Variants in RCC1L observed in about 807,000 individuals in gnomAD.
The protein encoded by RCC1L is RCC1-like G exchanging factor-like protein.
In RCC1L, 46 loss-of-function variants were observed where a neutral mutation model predicts 58.6. The observed-to-expected ratio is 0.79, with a 90% CI of 0.62 to 1.00. RCC1L has a LOEUF of 1.00. Ranked by LOEUF, RCC1L falls within the 50% of genes least tolerant of loss-of-function variation. RCC1L has a pLI of 0.00. For synonymous variants in RCC1L, 281 were observed against 262.9 expected, an observed-to-expected ratio of 1.07 and a Z score of -0.67; for missense variants, 636 against 623.6, an observed-to-expected ratio of 1.02 and a Z score of -0.21.
chr7:75,051,299 T>C (rs989224772), intron 10 of RCC1L, among the ~76,000 whole-genome samples: 69 of 148,374 alleles, frequency 4.7e-4, no homozygotes, highest in Non-Finnish European at 5.9e-4. Flanking sequence ...TATAAATACA[T>C]ACATATATAT....
Position 75,073,570 on chromosome 7 carries a change from G to C in RCC1L, c.168C>G (p.Ala56=). 6.6e-7 allele frequency: 1 copy of C among 1,510,702 alleles called. No individual in the cohort carries two copies. Among genetic ancestry groups the C allele is most frequent in the Non-Finnish European group, 8.8e-7 (1 of 1,138,386 alleles). 93.6% of individuals were successfully genotyped at this position (1,510,702 alleles called of 1,614,324 possible). A position where few individuals can be genotyped will look rare whatever the true frequency, so the allele number is the denominator to read the frequency against. Residue 56 remains alanine (A), a synonymous_variant, in exon 1 of 11, where the codon GCC becomes GCG. Transcript: ENST00000610322. Reference sequence around the variant, plus strand: ...CCCACACGAAGACGCGATCGGCGCGGGCAGCGCGCTCGCCCACGTACTGGA... The same window carrying C: ...CCCACACGAAGACGCGATCGGCGCGCGCAGCGCGCTCGCCCACGTACTGGA... The part of the protein sequence containing the change: ...PVVQYVGERA[A]RADRVFVWGF...
Position 75,070,728 on chromosome 7 carries a change from G to T in RCC1L, c.366C>A (p.Ser122=). 6.2e-7 allele frequency: 1 copy of T among 1,614,142 alleles called. No individual in the cohort carries two copies. The highest frequency in any genetic ancestry group is 8.5e-7 in the Non-Finnish European group (1 of 1,180,024). ...AACGYGFTLL[S]SKTADVTKVW... ...CTTTCGTAACATCCGCAGTCTTAGA[G>T]GACAGCAGTGTGAATCCATAGCCGC... Residue 122 remains serine, a synonymous_variant, in exon 2 of 11, where the codon TCC becomes TCA. Transcript: ENST00000610322.
At chr7:75,056,265 C>T (rs1340211672) in intron 8 of RCC1L, among the ~76,000 whole-genome samples, 191 bp from the exon 9 acceptor site, 2 of 152,016 alleles carry the variant, frequency 1.3e-5, no homozygotes, top group Non-Finnish European at 2.9e-5. Flanking sequence ...TTCTCTCTCC[C>T]CTGCTTAAAT....
intron 10 of RCC1L, among the ~76,000 whole-genome samples, chr7:75,044,159 A>G (rs968712749): frequency 6.6e-6 from 1 of 152,190 alleles, no homozygotes; most frequent in Non-Finnish European, 1.5e-5. Flanking sequence ...CACCCTCAAC[A>G]ACTCCAGGTG....
intron 1 of RCC1L, among the ~76,000 whole-genome samples, chr7:75,071,689 G>A (rs782179955): frequency 1.1e-4 from 17 of 151,902 alleles, no homozygotes; most frequent in African/African-American, 2.7e-4. Context: ...ATCTCTTAGC[G>A]CGGTAGGTAA....
chr7:75,053,955 C>T (rs945633979), intron 9 of RCC1L, among the ~76,000 whole-genome samples: 4 of 152,152 alleles, frequency 2.6e-5, no homozygotes, highest in Non-Finnish European at 4.4e-5. Context: ...CAGGCTGCGA[C>T]GCAGTGGCAC....
chr7:75,061,346 T>C lies in RCC1L; in HGVS notation c.703-55A>G, dbSNP rs1196817463. On this transcript the variant is annotated intron_variant, in intron 5 of 10. Coordinates refer to ENST00000610322, the MANE Select transcript of RCC1L (RefSeq NM_030798.5). ...AGAGGAAATACTTAGAACCCTGGTG[T>C]CCTCATCCAAAGAAGGACCAGCACC... is the stretch of plus-strand genomic sequence containing the variant. 4.0e-6 allele frequency: 6 copies of C among 1,517,464 alleles called. No individual in the cohort carries two copies. The African/African-American group carries it at 5.5e-5, about 14-fold the overall frequency. The allele number at this position is 1,517,464 out of a possible 1,614,324, so 94.0% of individuals were successfully genotyped here.
At chr7:75,073,392 A>G (rs75800152) in intron 1 of RCC1L, 22 bp downstream of exon 1, 915,598 of 1,052,122 alleles carry the variant, frequency 0.87, 398,837 homozygotes, top group East Asian at 0.92. Context: ...GAAGGAGAGA[A>G]GGAGGAAGCC....
At chr7:75,029,322 G>A (rs1390336312) in intron 10 of RCC1L, among the ~76,000 whole-genome samples, 3 of 151,896 alleles carry the variant, frequency 2.0e-5, no homozygotes, top group Non-Finnish European at 4.4e-5. Flanking sequence ...AAGAGAGGGG[G>A]CTTTAGGGCA....
chr7:75,047,760 G>T (rs959291866), intron 10 of RCC1L, among the ~76,000 whole-genome samples: 1 of 151,116 alleles, frequency 6.6e-6, no homozygotes, highest in African/African-American at 2.4e-5. Flanking sequence ...TGATTCTCCT[G>T]CTCAGACTTC....
At chr7:75,067,113 C>T (rs779348011) in intron 2 of RCC1L, among the ~76,000 whole-genome samples, 1 of 151,696 alleles carries the variant, frequency 6.6e-6, no homozygotes, top group Admixed American at 6.6e-5. Flanking sequence ...ACTAGCCTGG[C>T]CAAAATGGTG....
rs1299738294 is a variant in RCC1L at position 75,055,885 on chromosome 7, G to A, written c.1231+16C>T. On this transcript the variant is annotated intron_variant, in intron 9 of 10. Coordinates refer to ENST00000610322, the MANE Select transcript of RCC1L (RefSeq NM_030798.5). ...CTGCTGGGCTCACACCAGGGCCACC[G>A]GGCTTGGTAACTTACTGGTCAGTGC... 7 of 1,613,816 alleles carry A rather than the reference G, an allele frequency of 4.3e-6. No homozygotes were observed. Among genetic ancestry groups the A allele is most frequent in the Non-Finnish European group, 5.9e-6 (7 of 1,179,880 alleles).
At chr7:75,068,089 G>A (rs1203471422) in intron 2 of RCC1L, among the ~76,000 whole-genome samples, 2 of 152,068 alleles carry the variant, frequency 1.3e-5, no homozygotes, top group Non-Finnish European at 2.9e-5. Context: ...GGAGGCCGAG[G>A]CAGGTGGATC....
chr7:75,054,529 G>A (rs1022396554), intron 9 of RCC1L, among the ~76,000 whole-genome samples: 4 of 152,162 alleles, frequency 2.6e-5, no homozygotes, highest in Non-Finnish European at 5.9e-5. Flanking sequence ...CATAGTTGAG[G>A]CCTTAAGAAC....
chr7:75,027,919 A>AG, exon 11 of RCC1L: 1 of 1,170,182 alleles, frequency 8.5e-7, no homozygotes, highest in Non-Finnish European at 1.2e-6. Flanking sequence ...GCTGGGTGGG[A>AG]GGGTCTCTCC....
chr7:75,032,090 C>G (rs1805320069), intron 10 of RCC1L, among the ~76,000 whole-genome samples: 1 of 152,200 alleles, frequency 6.6e-6, no homozygotes, highest in Admixed American at 6.5e-5. Context: ...CGGCCCAACT[C>G]TGATTTGACA....
At chr7:75,066,868 T>C in intron 2 of RCC1L, 76 bp from the exon 3 acceptor site, 2 of 1,500,480 alleles carry the variant, frequency 1.3e-6, no homozygotes, top group Non-Finnish European at 1.8e-6. Context: ...TCCACGCTAC[T>C]ACACTGGAAA....
At chr7:75,027,897 A>G (rs1041647865) in exon 11 of RCC1L, 7 of 979,862 alleles carry the variant, frequency 7.1e-6, no homozygotes, top group African/African-American at 6.4e-5. Context: ...TCCCCCAGCT[A>G]TCTCCTGGTC....
chr7:75,063,341 T>C lies in RCC1L; in HGVS notation c.653A>G (p.Glu218Gly), dbSNP rs1806339447. The change falls in exon 5 of 11, where the codon GAA (glutamate) becomes GGA (glycine). Residue 218 changes from glutamate (E) to glycine (G), a missense_variant and splice_region_variant. Glu to Gly is a moderately conservative substitution (Grantham distance 98, BLOSUM62 -2). Coordinates refer to ENST00000610322, the MANE Select transcript of RCC1L (RefSeq NM_030798.5). ...CTGCATCCTGTGGACTCTGTGACTT[T>C]CACTACAGCCAGGAACAAATTGGGA... ...RKVVENEIYS[E>G]SHRVHRMQDF... The C allele has an allele frequency of 6.2e-7, 1 of 1,613,796 alleles. No individual in the cohort carries two copies. The highest frequency in any genetic ancestry group is 1.7e-5 in the Admixed American group (1 of 59,972).
Sources: gnomAD v4.1 joint callset for allele counts (sites outside exome capture counted in the v4.1 genomes callset) on GRCh38, gnomAD v4.1.1 for gene constraint, MANE v1.5 for transcripts, NCBI Gene and HGNC (gene_info 2026-07-23, HGNC 2026-07-21) for gene names.